CUL1: variants seen among roughly 807,000 people sequenced by gnomAD.
CUL1 encodes the protein cullin-1.
In CUL1, 24 loss-of-function variants were observed where a neutral mutation model predicts 118.0. That is an observed-to-expected ratio of 0.20 (90% CI 0.15 to 0.29). The LOEUF (loss-of-function observed/expected upper bound fraction) is 0.29. Among genes scored for constraint, CUL1 ranks in the 10% least tolerant of loss-of-function variants. The probability of loss-of-function intolerance (pLI) is 1.00; values close to 1 mark genes in which losing one functional copy is unlikely to be tolerated. For missense variants in CUL1, 361 were observed against 933.8 expected (o/e 0.39, Z 7.99); for synonymous variants, 332 against 340.4 (o/e 0.98, Z 0.27).
At chr7:148,711,696 G>T (rs180943334) in intron 1 of CUL1, among the ~76,000 whole-genome samples, 2 of 152,176 alleles carry the variant, frequency 1.3e-5, no homozygotes, top group East Asian at 3.9e-4. Context: ...ATAGAAAGGG[G>T]TGTCTTATTG....
intron 2 of CUL1, among the ~76,000 whole-genome samples, chr7:148,742,360 A>G (rs1799171206): frequency 6.6e-6 from 1 of 152,122 alleles, no homozygotes; most frequent in South Asian, 2.1e-4. Context: ...TAGGCAAGAG[A>G]GCTTATGCAG....
At chr7:148,741,315 A>G (rs1368008443) in intron 2 of CUL1, among the ~76,000 whole-genome samples, 3 of 152,358 alleles carry the variant, frequency 2.0e-5, no homozygotes, top group East Asian at 1.9e-4. Flanking sequence ...AACCATTTGC[A>G]GAACTGCCAA....
intron 9 of CUL1, among the ~76,000 whole-genome samples, chr7:148,776,710 A>AT (rs1800413960): frequency 6.6e-6 from 1 of 152,140 alleles, no homozygotes. Context: ...CTATGGATGC[A>AT]CGTCCCTACC....
chr7:148,729,023 AC>A (rs938016524), intron 1 of CUL1, among the ~76,000 whole-genome samples: 1 of 152,196 alleles, frequency 6.6e-6, no homozygotes, highest in Non-Finnish European at 1.5e-5. Flanking sequence ...ACTATTTAAA[AC>A]CTTTACGTTT....
At chr7:148,754,288 G>T in intron 3 of CUL1, 138 bp downstream of exon 3, 1 of 598,264 alleles carries the variant, frequency 1.7e-6, no homozygotes, top group Non-Finnish European at 2.8e-6. Flanking sequence ...TTTTGCTATT[G>T]CATAGTCTTT....
chr7:148,755,667 G>T (rs1799631627), intron 3 of CUL1, among the ~76,000 whole-genome samples: 1 of 152,098 alleles, frequency 6.6e-6, no homozygotes, highest in Admixed American at 6.5e-5. Flanking sequence ...TAAGTAAAAA[G>T]GTTGATGACC....
chr7:148,778,846 C>T (rs1396535207), intron 9 of CUL1, among the ~76,000 whole-genome samples: 1 of 152,206 alleles, frequency 6.6e-6, no homozygotes, highest in Admixed American at 6.5e-5. Context: ...GATCTGTCCC[C>T]TCAGCCTGGA....
At chr7:148,714,398 T>C (rs1798145201) in intron 1 of CUL1, among the ~76,000 whole-genome samples, 1 of 152,232 alleles carries the variant, frequency 6.6e-6, no homozygotes, top group South Asian at 2.1e-4. Flanking sequence ...ACATTATTAT[T>C]AACTGGAGTC....
intron 21 of CUL1, 110 bp downstream of exon 21, chr7:148,799,498 T>G: frequency 1.5e-6 from 1 of 688,190 alleles, no homozygotes; most frequent in Non-Finnish European, 2.5e-6. Flanking sequence ...GCTGGCTTCT[T>G]TGTATGTAGA....
chr7:148,796,284 G>A (rs972366920), intron 17 of CUL1, among the ~76,000 whole-genome samples: 14 of 152,174 alleles, frequency 9.2e-5, no homozygotes, highest in African/African-American at 3.1e-4. Context: ...TTGCACTGAT[G>A]TTGAACCACC....
At chr7:148,704,266 A>T (rs1797813895) in intron 1 of CUL1, among the ~76,000 whole-genome samples, 1 of 152,060 alleles carries the variant, frequency 6.6e-6, no homozygotes, top group Non-Finnish European at 1.5e-5. Flanking sequence ...CAGAAATGCA[A>T]ATCAGTGAGA....
chr7:148,794,922 C>T (rs1158682930), intron 17 of CUL1, among the ~76,000 whole-genome samples: 1 of 152,030 alleles, frequency 6.6e-6, no homozygotes, highest in East Asian at 1.9e-4. Context: ...ACCTCCGCCT[C>T]CTGGGTTCCA....
chr7:148,792,648 C>A, intron 16 of CUL1, 78 bp from the exon 17 acceptor site: 1 of 907,934 alleles, frequency 1.1e-6, no homozygotes. Flanking sequence ...GTTCTTCAAA[C>A]TTGGGCTGTA....
intron 21 of CUL1, 78 bp downstream of exon 21, chr7:148,799,466 C>A: frequency 1.0e-6 from 1 of 972,878 alleles, no homozygotes; most frequent in Non-Finnish European, 1.6e-6. Context: ...GGATTGATTG[C>A]TGTAGCATGA....
chr7:148,702,173 A>G (rs750512095), intron 1 of CUL1, among the ~76,000 whole-genome samples: 6 of 152,240 alleles, frequency 3.9e-5, no homozygotes, highest in Non-Finnish European at 5.9e-5. Flanking sequence ...TGTTTATAAT[A>G]TGAAGATTTA....
intron 1 of CUL1, among the ~76,000 whole-genome samples, chr7:148,708,755 G>A (rs993904529): frequency 2.0e-5 from 3 of 152,200 alleles, no homozygotes; most frequent in African/African-American, 7.2e-5. Flanking sequence ...CTGGATGTTG[G>A]TTCTGGGTAT....
chr7:148,723,980 C>G (rs895780753), intron 1 of CUL1, among the ~76,000 whole-genome samples: 5 of 152,302 alleles, frequency 3.3e-5, no homozygotes, highest in African/African-American at 1.2e-4. Flanking sequence ...CTGAAGTCTT[C>G]TAGCAAACAA....
At chr7:148,748,993 T>TTA (rs1799394107) in intron 2 of CUL1, among the ~76,000 whole-genome samples, 2 of 152,232 alleles carry the variant, frequency 1.3e-5, no homozygotes, top group South Asian at 4.1e-4. Context: ...GAAACTCTAG[T>TTA]ATTAGTATAG....
At chr7:148,772,672 T>G (rs971084633) in intron 9 of CUL1, among the ~76,000 whole-genome samples, 1 of 152,206 alleles carries the variant, frequency 6.6e-6, no homozygotes, top group Non-Finnish European at 1.5e-5. Context: ...CTCCGTGACC[T>G]CATCTGCCTA....
Sources: gnomAD v4.1 joint callset for allele counts (sites outside exome capture counted in the v4.1 genomes callset) on GRCh38, gnomAD v4.1.1 for gene constraint, MANE v1.5 for transcripts, NCBI Gene and HGNC (gene_info 2026-07-23, HGNC 2026-07-21) for gene names.